Variants in SLC25A30 observed in about 807,000 individuals in gnomAD.
The protein encoded by SLC25A30 is kidney mitochondrial carrier protein 1.
SLC25A30 carries 29 observed loss-of-function variants against 42.7 expected under a neutral mutation model. The observed-to-expected ratio is 0.68, with a 90% CI of 0.51 to 0.93. The LOEUF is 0.93. Ranked by LOEUF, SLC25A30 falls within the 40% of genes least tolerant of loss-of-function variation. SLC25A30 has a pLI of 0.00. For missense variants in SLC25A30, 300 were observed against 359.7 expected, an observed-to-expected ratio of 0.83 and a Z score of 1.34; for synonymous variants, 124 against 131.0, an observed-to-expected ratio of 0.95 and a Z score of 0.37.
At chr13:45,406,305 A>T (rs905476843) in intron 3 of SLC25A30, among the ~76,000 whole-genome samples, 1 of 151,574 alleles carries the variant, frequency 6.6e-6, no homozygotes, top group African/African-American at 2.4e-5. Flanking sequence ...CTGGTCTTGA[A>T]CTCCTGACCT....
chr13:45,394,547 T>G lies in SLC25A30; in HGVS notation c.*1427A>C. ...GGAACTGAAGAGACCCAAATAAATA[T>G]GTTCCCTGTCCTGTGGCTGCCTCCC... On this transcript the variant is annotated 3_prime_UTR_variant, in exon 10 of 10. Transcript: ENST00000519676. 1 of 985,376 alleles carries G rather than the reference T, an allele frequency of 1.0e-6. No homozygotes were observed. The highest frequency in any genetic ancestry group is 1.2e-6 in the Non-Finnish European group (1 of 829,924). The allele number at this position is 985,376 out of a possible 1,614,324, so 61.0% of individuals were successfully genotyped here. A position where few individuals can be genotyped will look rare whatever the true frequency, so the allele number is the denominator to read the frequency against.
Position 45,395,553 on chromosome 13 carries a change from A to G in SLC25A30, c.*421T>C, listed in dbSNP as rs1359319629. 3.7e-6 allele frequency: 4 copies of G among 1,074,014 alleles called. No homozygotes were observed. Among genetic ancestry groups the G allele is most frequent in the African/African-American group, 1.6e-5 (1 of 60,698 alleles). The allele number at this position is 1,074,014 out of a possible 1,614,324, so 66.5% of individuals were successfully genotyped here. A position where few individuals can be genotyped will look rare whatever the true frequency, so the allele number is the denominator to read the frequency against. On this transcript the variant is annotated 3_prime_UTR_variant, in exon 10 of 10. Coordinates refer to ENST00000519676, the MANE Select transcript of SLC25A30 (RefSeq NM_001010875.4). ...AAAATCTCCCAGAAATTCAGAAACC[A>G]TAACACCTTCTCGGAGGCTCCATTC...
At chr13:45,426,695 C>G in the SLC25A30 span, among the ~76,000 whole-genome samples, 1 of 152,084 alleles carries the variant, frequency 6.6e-6, no homozygotes, top group East Asian at 1.9e-4. Flanking sequence ...CTCCTGACAG[C>G]CTTAGCGGAC....
chr13:45,404,809 C>T (rs533566846), intron 4 of SLC25A30, among the ~76,000 whole-genome samples: 11 of 152,086 alleles, frequency 7.2e-5, no homozygotes, highest in East Asian at 3.9e-4. Context: ...CAGACCAAGA[C>T]GCCATCTCAA....
the SLC25A30 span, among the ~76,000 whole-genome samples, chr13:45,430,243 A>ACT: frequency 0.14 from 21,330 of 152,048 alleles, 1,763 homozygotes; most frequent in African/African-American, 0.24. Context: ...ATAGTGAGAA[A>ACT]CTGTGTTTGC....
intron 1 of SLC25A30, among the ~76,000 whole-genome samples, chr13:45,416,001 T>G (rs933352440): frequency 6.6e-6 from 1 of 151,014 alleles, no homozygotes; most frequent in Non-Finnish European, 1.5e-5. Flanking sequence ...GGTTTCACCA[T>G]GTTGGTTAGG....
chr13:45,429,309 T>C, the SLC25A30 span, among the ~76,000 whole-genome samples: 1 of 151,956 alleles, frequency 6.6e-6, no homozygotes, highest in Non-Finnish European at 1.5e-5. Flanking sequence ...CCTCAGGTTA[T>C]CTGCCTGCTT....
upstream of SLC25A30, among the ~76,000 whole-genome samples, chr13:45,422,307 C>A (rs895226301): frequency 6.6e-6 from 1 of 152,056 alleles, no homozygotes; most frequent in Non-Finnish European, 1.5e-5. Context: ...CTTAGTCAGA[C>A]CTTTTAGGGG....
the SLC25A30 span, among the ~76,000 whole-genome samples, chr13:45,426,716 C>T: frequency 6.6e-6 from 1 of 152,124 alleles, no homozygotes; most frequent in Admixed American, 6.5e-5. Context: ...ACTCTTGTAA[C>T]AAGATTCTCT....
At chr13:45,415,753 A>AC (rs1883462257) in intron 1 of SLC25A30, among the ~76,000 whole-genome samples, 1 of 146,350 alleles carries the variant, frequency 6.8e-6, no homozygotes, top group Non-Finnish European at 1.5e-5. Context: ...CTCCATCACA[A>AC]AAAAAAAAAA....
chr13:45,424,606 T>TATATAG, the SLC25A30 span, among the ~76,000 whole-genome samples: 479 of 55,048 alleles, frequency 8.7e-3, 57 homozygotes, highest in African/African-American at 0.031. Context: ...TAAATATATA[T>TATATAG]AAATATATAT....
intron 3 of SLC25A30, among the ~76,000 whole-genome samples, chr13:45,406,207 C>A (rs1202627710): frequency 6.6e-6 from 1 of 152,032 alleles, no homozygotes; most frequent in Non-Finnish European, 1.5e-5. Context: ...CTCAGCCTCC[C>A]GAGTAGCTGG....
At chr13:45,432,834 G>A in the SLC25A30 span, among the ~76,000 whole-genome samples, 4 of 150,786 alleles carry the variant, frequency 2.7e-5, no homozygotes, top group African/African-American at 9.8e-5. Flanking sequence ...TTCAAGACCA[G>A]ACTTGGCAAG....
the SLC25A30 span, among the ~76,000 whole-genome samples, chr13:45,429,362 C>G: frequency 6.6e-6 from 1 of 151,986 alleles, no homozygotes; most frequent in African/African-American, 2.4e-5. Context: ...AGCCACCACA[C>G]CCGACAGGTG....
rs531021694 is a variant in SLC25A30 at position 45,395,171 on chromosome 13, C to T, written c.*803G>A. ...CTCTACATCAATAGACGTTATTATC[C>T]CCATTTTACTCATTGAGAAATACAT... On this transcript the variant is annotated 3_prime_UTR_variant, in exon 10 of 10. Coordinates refer to ENST00000519676, the MANE Select transcript of SLC25A30 (RefSeq NM_001010875.4). 3 of 984,682 alleles carry T rather than the reference C, an allele frequency of 3.0e-6. No individual in the cohort carries two copies. The highest frequency in any genetic ancestry group is 3.5e-5 in the African/African-American group (2 of 57,302). The allele number at this position is 984,682 out of a possible 1,614,324, so 61.0% of individuals were successfully genotyped here.
chr13:45,394,566 G>A lies in SLC25A30; in HGVS notation c.*1408C>T. ...TAAATATGTTCCCTGTCCTGTGGCT[G>A]CCTCCCAGAAGTGGAAGTTCTTGGG... On this transcript the variant is annotated 3_prime_UTR_variant, in exon 10 of 10. Coordinates refer to ENST00000519676, the MANE Select transcript of SLC25A30 (RefSeq NM_001010875.4). 1 of 985,358 alleles carries A rather than the reference G, an allele frequency of 1.0e-6. No homozygotes were observed. Among genetic ancestry groups the A allele is most frequent in the Non-Finnish European group, 1.2e-6 (1 of 829,922 alleles). The allele number at this position is 985,358 out of a possible 1,614,324, so 61.0% of individuals were successfully genotyped here.
intron 5 of SLC25A30, among the ~76,000 whole-genome samples, chr13:45,403,212 T>C (rs1482063494): frequency 6.6e-6 from 1 of 152,216 alleles, no homozygotes; most frequent in Non-Finnish European, 1.5e-5. Context: ...AGGTACCTTG[T>C]ATTTCTTCCT....
upstream of SLC25A30, among the ~76,000 whole-genome samples, chr13:45,420,811 C>A (rs1262288406): frequency 6.6e-6 from 1 of 152,148 alleles, no homozygotes; most frequent in Non-Finnish European, 1.5e-5. Flanking sequence ...AGCAATCCTC[C>A]TGCCTCGGCC....
intron 3 of SLC25A30, among the ~76,000 whole-genome samples, chr13:45,407,704 T>C (rs1350696878): frequency 2.0e-5 from 3 of 152,188 alleles, no homozygotes; most frequent in Admixed American, 6.5e-5. Flanking sequence ...CACACTGAAC[T>C]ACTTCTCTTC....
Sources: allele counts gnomAD v4.1 joint callset (sites outside exome capture counted in the v4.1 genomes callset), GRCh38; gene constraint gnomAD v4.1.1; transcripts MANE v1.5; gene names NCBI Gene and HGNC (gene_info 2026-07-23, HGNC 2026-07-21).